Variants in MACROH2A2 observed in about 807,000 individuals in gnomAD.
MACROH2A2 encodes core histone macro-H2A.2.
In MACROH2A2, 6 loss-of-function variants were observed where a neutral mutation model predicts 37.6. The ratio of observed to expected loss-of-function variants is 0.16; its 90% CI spans 0.09 to 0.32. The LOEUF is 0.32. Ranked by LOEUF, MACROH2A2 falls within the 10% of genes least tolerant of loss-of-function variation. MACROH2A2 has a pLI of 1.00. For synonymous variants in MACROH2A2, 192 were observed against 202.7 expected (o/e 0.95, Z 0.45); for missense variants, 290 against 485.9 (o/e 0.60, Z 3.79).
At chr10:70,072,219 T>C (rs1438116817) in intron 1 of MACROH2A2, among the ~76,000 whole-genome samples, 1 of 151,974 alleles carries the variant, frequency 6.6e-6, no homozygotes, top group Non-Finnish European at 1.5e-5. Flanking sequence ...TTTTATTTTA[T>C]TATTATTATA....
At chr10:70,111,441 TA>T in intron 8 of MACROH2A2, 76 bp from the exon 9 acceptor site, 1 of 1,343,904 alleles carries the variant, frequency 7.4e-7, no homozygotes, top group Non-Finnish European at 1.0e-6. Context: ...CCCCACCCAG[TA>T]AAAACAAAGG....
chr10:70,108,083 C>G (rs2072348369), intron 7 of MACROH2A2, among the ~76,000 whole-genome samples: 1 of 152,116 alleles, frequency 6.6e-6, no homozygotes, highest in African/African-American at 2.4e-5. Context: ...TAGCACATGC[C>G]TGTAATCCCA....
intron 1 of MACROH2A2, among the ~76,000 whole-genome samples, chr10:70,058,504 G>A (rs556299008): frequency 1.3e-5 from 2 of 152,202 alleles, no homozygotes; most frequent in Admixed American, 6.5e-5. Flanking sequence ...TATGAAAGGC[G>A]GTCCTGATGA....
chr10:70,102,585 C>T (rs1410650039), intron 7 of MACROH2A2, among the ~76,000 whole-genome samples: 6 of 152,114 alleles, frequency 3.9e-5, no homozygotes, highest in Non-Finnish European at 7.4e-5. Context: ...GGCATGGTGG[C>T]GCATGCCTGT....
chr10:70,063,261 T>G lies in MACROH2A2; in HGVS notation c.-60+10261T>G, dbSNP rs149505834. 5.5e-3 allele frequency among the ~76,000 whole-genome samples: 841 copies of G among 152,338 alleles called. 7 individuals carry two copies. Among genetic ancestry groups the G allele is most frequent in the African/African-American group, 0.019 (803 of 41,578 alleles). On this transcript the variant is annotated intron_variant, in intron 1 of 8. Coordinates refer to ENST00000373255, the MANE Select transcript of MACROH2A2 (RefSeq NM_018649.3). ...TGATGAAGGCCATCAGGGTGTTAAA[T>G]AAAGTTTCCTGTTTCTCACCAAAAG...
chr10:70,108,776 C>T (rs1589842282), intron 7 of MACROH2A2, among the ~76,000 whole-genome samples: 1 of 152,216 alleles, frequency 6.6e-6, no homozygotes, highest in East Asian at 1.9e-4. Context: ...CCAGGGACTA[C>T]TTGGCAGACC....
chr10:70,109,342 G>A (rs1589842529), intron 8 of MACROH2A2, 135 bp downstream of exon 8: 1 of 724,750 alleles, frequency 1.4e-6, no homozygotes, highest in East Asian at 2.6e-5. Context: ...GACAGGGCAG[G>A]AAACCCGGTT....
In MACROH2A2 at chr10:70,095,120, G is replaced by A. The variant is rs374634039; in HGVS notation, c.589-534G>A. On this transcript the variant is annotated intron_variant, in intron 5 of 8. Transcript: ENST00000373255. ...GCGGTGGCTCACGCCTGTAATCCCA[G>A]CACTTTGGGAGGCAGAGGCGGGTGG... is the stretch of plus-strand genomic sequence containing the variant. Among the ~76,000 whole-genome samples, 110 of 152,316 alleles carry A rather than the reference G, an allele frequency of 7.2e-4. 1 individual carries two copies. Among genetic ancestry groups the A allele is most frequent in the African/African-American group, 2.6e-3 (108 of 41,556 alleles).
In MACROH2A2 at chr10:70,107,122, C is replaced by T. The variant is rs963890244; in HGVS notation, c.779-1911C>T. Among the ~76,000 whole-genome samples the T allele has an allele frequency of 6.6e-6, 1 of 152,138 alleles. No homozygotes were observed. The highest frequency in any genetic ancestry group is 1.5e-5 in the Non-Finnish European group (1 of 68,028). Reference sequence around the variant, plus strand: ...CATGGCGGGCCCCTACCCAGGGCCTCGGTGTATTGTGTGGCCTGGGTCCTG... The same window carrying T: ...CATGGCGGGCCCCTACCCAGGGCCTTGGTGTATTGTGTGGCCTGGGTCCTG... On this transcript the variant is annotated intron_variant, in intron 7 of 8. Transcript: ENST00000373255. The surrounding 1 kb of genome is among the most constrained non-coding windows in gnomAD (Gnocchi z 4.4).
chr10:70,076,329 C>T (rs1048551912), intron 2 of MACROH2A2, among the ~76,000 whole-genome samples: 22 of 152,130 alleles, frequency 1.4e-4, no homozygotes, highest in African/African-American at 5.3e-4. Context: ...TGGCATGAAG[C>T]CGATGTAATG....
chr10:70,067,193 C>A (rs1366648990), intron 1 of MACROH2A2, among the ~76,000 whole-genome samples: 4 of 152,156 alleles, frequency 2.6e-5, no homozygotes, highest in African/African-American at 7.2e-5. Flanking sequence ...AGGAGCCTAA[C>A]CATGTATTTC....
intron 4 of MACROH2A2, among the ~76,000 whole-genome samples, 189 bp downstream of exon 4, chr10:70,092,143 C>T (rs1053621891): frequency 2.0e-5 from 3 of 152,158 alleles, no homozygotes; most frequent in East Asian, 3.9e-4. Flanking sequence ...ATAAAAGAGG[C>T]CTGAGGGAGG....
At position 70,053,237 on chromosome 10, in the gene MACROH2A2, C is replaced by T. The variant is rs2071986342; in HGVS notation, c.-60+237C>T. Among the ~76,000 whole-genome samples the T allele has an allele frequency of 6.6e-6, 1 of 152,170 alleles. No homozygotes were observed. Among genetic ancestry groups the T allele is most frequent in the Non-Finnish European group, 1.5e-5 (1 of 68,022 alleles). ...GGCTGCTAAAGAAGTGGTCAAATTC[C>T]TGCGGCCAGCGAGGGGCCGGGGGCG... On this transcript the variant is annotated intron_variant, in intron 1 of 8. Coordinates refer to ENST00000373255, the MANE Select transcript of MACROH2A2 (RefSeq NM_018649.3). The surrounding 1 kb of genome is among the most constrained non-coding windows in gnomAD (Gnocchi z 4.8).
At chr10:70,082,605 G>A (rs75672071) in intron 2 of MACROH2A2, among the ~76,000 whole-genome samples, 7,674 of 152,238 alleles carry the variant, frequency 0.05, 357 homozygotes, top group East Asian at 0.23. Context: ...TTATTCAGCC[G>A]TAAGATTTCA....
chr10:70,059,776 C>A (rs182528145), intron 1 of MACROH2A2, among the ~76,000 whole-genome samples: 173 of 152,294 alleles, frequency 1.1e-3, no homozygotes, highest in African/African-American at 4.0e-3. Context: ...TCCCCGTGGT[C>A]CACCGCACCT....
At chr10:70,095,395 G>A (rs1332686054) in intron 5 of MACROH2A2, among the ~76,000 whole-genome samples, 1 of 151,368 alleles carries the variant, frequency 6.6e-6, no homozygotes, top group Non-Finnish European at 1.5e-5. Flanking sequence ...GAGAGGGGAG[G>A]CCCTGTTCCT....
At position 70,075,962 on chromosome 10, in the gene MACROH2A2, G is replaced by T. The variant is rs956121864; in HGVS notation, c.172+132G>T. ...CAAGGCTACTGTGGGTGGTGACAGG[G>T]TTGCAACTGGCCTGCTTGGCTAAAA... On this transcript the variant is annotated intron_variant, in intron 2 of 8. Coordinates refer to ENST00000373255, the MANE Select transcript of MACROH2A2 (RefSeq NM_018649.3). This position sits in a 1 kb window ranked among gnomAD's most constrained non-coding sequence, Gnocchi z 5.0. 5 of 701,318 alleles carry T rather than the reference G, an allele frequency of 7.1e-6. No homozygotes were observed. In the East Asian group the frequency reaches 1.4e-4, roughly 19 times the overall value. The allele number at this position is 701,318 out of a possible 1,614,324, so 43.4% of individuals were successfully genotyped here.
rs904474227 is a variant in MACROH2A2, at chr10:70,053,389, G to C, written c.-60+389G>C. ...GTTTCGGGCGCAGGAGCGGGAGGAC[G>C]GAGGCGCCCGGCCGCCGATGGGCAC... On this transcript the variant is annotated intron_variant, in intron 1 of 8. Coordinates refer to ENST00000373255, the MANE Select transcript of MACROH2A2 (RefSeq NM_018649.3). The surrounding 1 kb of genome is among the most constrained non-coding windows in gnomAD (Gnocchi z 4.8). 6.6e-6 allele frequency among the ~76,000 whole-genome samples: 1 copy of C among 151,654 alleles called. No homozygotes were observed. The highest frequency in any genetic ancestry group is 2.4e-5 in the African/African-American group (1 of 41,398).
intron 2 of MACROH2A2, among the ~76,000 whole-genome samples, chr10:70,076,054 G>A (rs16927241): frequency 0.32 from 48,127 of 152,038 alleles, 8,082 homozygotes; most frequent in African/African-American, 0.42. Flanking sequence ...CATGGAAGGC[G>A]GAGAACCCAC....
Sources: gnomAD v4.1 joint callset for allele counts (sites outside exome capture counted in the v4.1 genomes callset) on GRCh38, gnomAD v4.1.1 for gene constraint, Gnocchi (gnomAD v3.1) non-coding constraint, MANE v1.5 for transcripts, NCBI Gene and HGNC (gene_info 2026-07-23, HGNC 2026-07-21) for gene names.